CD1A: variants seen among roughly 807,000 people sequenced by gnomAD.
CD1A encodes CD1a molecule, also known as T-cell surface glycoprotein CD1a.
In CD1A, 50 loss-of-function variants were observed where a neutral mutation model predicts 38.3. That is an observed-to-expected ratio of 1.30 (90% CI 1.04 to 1.65). The LOEUF (loss-of-function observed/expected upper bound fraction) is 1.65, where lower values mean the gene tolerates loss of function less well. Ranked by LOEUF, CD1A falls within the 40% of genes most tolerant of loss-of-function variation. The probability of loss-of-function intolerance (pLI) is 0.00; values close to 1 mark genes in which losing one functional copy is unlikely to be tolerated. For synonymous variants in CD1A, 160 were observed against 150.8 expected, an observed-to-expected ratio of 1.06 and a Z score of -0.45; for missense variants, 459 against 406.1, an observed-to-expected ratio of 1.13 and a Z score of -1.12.
In CD1A at chr1:158,254,816, TGTGTGTGTGTG is replaced by T. The variant is rs1254285925; in HGVS notation, c.58+90_58+100del. 40 of 886,808 alleles carry T rather than the reference TGTGTGTGTGTG, an allele frequency of 4.5e-5. No homozygotes were observed. In the African/African-American group the frequency reaches 6.1e-4, roughly 14 times the overall value. The allele number at this position is 886,808 out of a possible 1,614,324, so 54.9% of individuals were successfully genotyped here. On this transcript the variant is annotated intron_variant, in intron 1 of 5. Transcript: ENST00000289429. ...GTGTGTGTGTGTGTGTGTGTGTGTG[TGTGTGTGTGTG>T]TGTGTGGTTTCCCTAGCATATACCT...
chr1:158,257,548 T>C, intron 5 of CD1A, 37 bp downstream of exon 5: 1 of 1,586,168 alleles, frequency 6.3e-7, no homozygotes, highest in Non-Finnish European at 8.7e-7. Context: ...ACTCTTAGCC[T>C]CTACCCCACT....
Position 158,257,515 on chromosome 1 carries a change from A to C in CD1A, c.974+4A>C. 4 of 1,611,996 alleles carry C rather than the reference A, an allele frequency of 2.5e-6. No homozygotes were observed. The highest frequency in any genetic ancestry group is 1.7e-6 in the Non-Finnish European group (2 of 1,178,150). ...CGCTTTGGTTCAGGAAACGCTGGTG[A>C]GTTCTTTGCATGTGTCTTTCCTACT... On this transcript the variant is annotated splice_donor_region_variant and intron_variant, in intron 5 of 5. Transcript: ENST00000289429.
rs1026629712 is a variant in CD1A at position 158,258,207 on chromosome 1, G to C, written c.*517G>C. 6.5e-6 allele frequency: 1 copy of C among 153,852 alleles called. No individual in the cohort carries two copies. Among genetic ancestry groups the C allele is most frequent in the Non-Finnish European group, 1.4e-5 (1 of 69,114 alleles). 9.5% of individuals were successfully genotyped at this position (153,852 alleles called of 1,614,324 possible). On this transcript the variant is annotated 3_prime_UTR_variant, in exon 6 of 6. Coordinates refer to ENST00000289429, the MANE Select transcript of CD1A (RefSeq NM_001763.3). The stretch of plus-strand genomic sequence containing the variant: ...TGTATTTTTAATATATGCATCCCTG[G>C]TGAAGGATCTTGCCTGCATGAAACA...
At chr1:158,256,664 A>ACAGAGT in intron 3 of CD1A, 122 bp from the exon 4 acceptor site, 1 of 1,120,466 alleles carries the variant, frequency 8.9e-7, no homozygotes, top group East Asian at 2.5e-5. Flanking sequence ...TGACAGAGTG[A>ACAGAGT]GACCCTGTCT....
At chr1:158,248,765 A>G in the CD1A span, among the ~76,000 whole-genome samples, 1 of 150,936 alleles carries the variant, frequency 6.6e-6, no homozygotes, top group Non-Finnish European at 1.5e-5. Flanking sequence ...CCAATTTCTC[A>G]GCACCCCCAG....
upstream of CD1A, among the ~76,000 whole-genome samples, chr1:158,251,152 A>G (rs1650076644): frequency 6.6e-6 from 1 of 152,256 alleles, no homozygotes; most frequent in Non-Finnish European, 1.5e-5. Context: ...TATTTTAAAG[A>G]AAATCAGAAG....
At chr1:158,254,031 G>GTTTTTTTTTTTTTTTTTTTTTTTTTTT (rs760814976), upstream of CD1A, 11 of 53,626 alleles carry the variant, frequency 2.1e-4, 2 homozygotes, top group Non-Finnish European at 2.8e-4. Context: ...TGTTCCTGTG[G>GTTTTTTTTTTTTTTTTTTTTTTTTTTT]TTTTTTTTTT....
chr1:158,248,449 C>T, the CD1A span: 1 of 981,958 alleles, frequency 1.0e-6, no homozygotes. Flanking sequence ...ATGCTTTTGG[C>T]CTGAACACCA....
upstream of CD1A, chr1:158,254,236 G>T: frequency 9.7e-7 from 1 of 1,026,114 alleles, no homozygotes; most frequent in Non-Finnish European, 1.2e-6. Context: ...AGAATACATG[G>T]GAAAATATTG....
Position 158,256,046 on chromosome 1 carries a change from C to A in CD1A, c.368C>A (p.Ser123Tyr). Residue 123 changes from serine (S) to tyrosine (Y), a missense_variant, in exon 3 of 6, where the codon TCT becomes TAT. Transcript: ENST00000289429. Reference protein sequence around the residue: ...IQVTGGCELHSGKVSGSFLQL... With the variant: ...IQVTGGCELHYGKVSGSFLQL... ...GTGACAGGAGGCTGTGAGCTGCACT[C>A]TGGAAAGGTCTCAGGAAGCTTCTTG... is the stretch of plus-strand genomic sequence containing the variant. The A allele has an allele frequency of 6.2e-7, 1 of 1,614,162 alleles. No homozygotes were observed.
chr1:158,255,137 C>G lies in CD1A; in HGVS notation c.112C>G (p.His38Asp), dbSNP rs1349532356. The G allele has an allele frequency of 1.2e-6, 2 of 1,614,030 alleles. No homozygotes were observed. Among genetic ancestry groups the G allele is most frequent in the East Asian group, 2.2e-5 (1 of 44,896 alleles). ...HVTWIASFYN[H>D]SWKQNLVSGW... ...CACCTGGATCGCATCCTTTTACAAC[C>G]ATTCCTGGAAACAAAATCTGGTCTC... Residue 38 changes from histidine (H) to aspartate (D), a missense_variant, in exon 2 of 6, where the codon CAT (histidine) becomes GAT (aspartate). His to Asp is a moderately conservative substitution (Grantham distance 81). Coordinates refer to ENST00000289429, the MANE Select transcript of CD1A (RefSeq NM_001763.3).
intron 2 of CD1A, 45 bp downstream of exon 2, chr1:158,255,395 G>T: frequency 1.3e-6 from 2 of 1,587,148 alleles, no homozygotes; most frequent in Non-Finnish European, 1.7e-6. Flanking sequence ...TGGGAGAGAG[G>T]GGTTGTCTCA....
chr1:158,248,578 C>T, the CD1A span, among the ~76,000 whole-genome samples: 1 of 152,128 alleles, frequency 6.6e-6, no homozygotes, highest in Non-Finnish European at 1.5e-5. Context: ...ATGTTATTCA[C>T]ACTAGTTTGC....
chr1:158,256,246 C>G lies in CD1A; in HGVS notation c.568C>G (p.Leu190Val). The change falls in exon 3 of 6, where the codon CTT becomes GTT. Residue 190 changes from leucine to valine, a missense_variant. Transcript: ENST00000289429. Reference sequence around the variant, plus strand: ...CACCTGCCCACGTTTCATCTTGGGTCTTCTTGATGCAGGAAAGGCACATCT... The same window carrying G: ...CACCTGCCCACGTTTCATCTTGGGTGTTCTTGATGCAGGAAAGGCACATCT... ...SDTCPRFILG[L>V]LDAGKAHLQR... 1 of 1,614,102 alleles carries G rather than the reference C, an allele frequency of 6.2e-7. No homozygotes were observed.
upstream of CD1A, among the ~76,000 whole-genome samples, chr1:158,250,152 C>T (rs963012834): frequency 1.3e-5 from 2 of 152,188 alleles, no homozygotes; most frequent in Non-Finnish European, 2.9e-5. Flanking sequence ...GCAGAAGGGG[C>T]CACCTCTGCT....
chr1:158,249,555 T>G (rs1224445108), upstream of CD1A, among the ~76,000 whole-genome samples: 1 of 152,164 alleles, frequency 6.6e-6, no homozygotes, highest in African/African-American at 2.4e-5. Flanking sequence ...AATTTCAACA[T>G]ATGAATTTTG....
the CD1A span, among the ~76,000 whole-genome samples, chr1:158,248,834 C>A: frequency 6.6e-6 from 1 of 152,116 alleles, no homozygotes; most frequent in East Asian, 1.9e-4. Context: ...GCCCTGTACC[C>A]ATCATAGCTG....
chr1:158,254,031 G>GTTTTTTTTTTTTTTTTTTTTTTTTTTTTT (rs760814976), upstream of CD1A: 17 of 53,622 alleles, frequency 3.2e-4, 5 homozygotes, highest in East Asian at 9.4e-4. Context: ...TGTTCCTGTG[G>GTTTTTTTTTTTTTTTTTTTTTTTTTTTTT]TTTTTTTTTT....
chr1:158,255,308 T>C lies in CD1A; in HGVS notation c.283T>C (p.Phe95Leu). Reference sequence around the variant, plus strand: ...ATTCCGTATACGCACCATTCGGTCATTTGAGGGAATTCGTAGATACGCCCA... The same window carrying C: ...ATTCCGTATACGCACCATTCGGTCACTTGAGGGAATTCGTAGATACGCCCA... The part of the protein sequence containing the change: ...TLFRIRTIRS[F>L]EGIRRYAHEL... The change falls in exon 2 of 6, where the codon TTT becomes CTT. Residue 95 changes from phenylalanine to leucine, a missense_variant. Transcript: ENST00000289429. 1.2e-6 allele frequency: 2 copies of C among 1,614,148 alleles called. No individual in the cohort carries two copies. Among genetic ancestry groups the C allele is most frequent in the South Asian group, 2.2e-5 (2 of 91,084 alleles).
Sources: allele counts gnomAD v4.1 joint callset (sites outside exome capture counted in the v4.1 genomes callset), GRCh38; gene constraint gnomAD v4.1.1; transcripts MANE v1.5; gene names NCBI Gene and HGNC (gene_info 2026-07-23, HGNC 2026-07-21).